PSME4: variants seen among roughly 807,000 people sequenced by gnomAD.
PSME4 encodes proteasome activator subunit 4.
PSME4 carries 89 observed loss-of-function variants against 253.9 expected under a neutral mutation model. The ratio of observed to expected loss-of-function variants is 0.35; its 90% CI spans 0.30 to 0.42. PSME4 has a LOEUF of 0.42. PSME4 is among the 10% of genes least tolerant of loss of function. The pLI, the probability that PSME4 is intolerant of heterozygous loss-of-function variation, is 1.00. For synonymous variants in PSME4, 851 were observed against 759.2 expected (o/e 1.12, Z -1.99); for missense variants, 2,014 against 2,195.2 (o/e 0.92, Z 1.65).
At chr2:53,933,364 C>A (rs1573322030) in intron 8 of PSME4, among the ~76,000 whole-genome samples, 1 of 93,696 alleles carries the variant, frequency 1.1e-5, no homozygotes. Context: ...GGCGATAGAG[C>A]GAGACCATCT....
chr2:53,918,538 G>T (rs991642920), intron 20 of PSME4, among the ~76,000 whole-genome samples: 4 of 151,928 alleles, frequency 2.6e-5, no homozygotes, highest in Non-Finnish European at 5.9e-5. Flanking sequence ...AGACGGGTTT[G>T]CCATGTCATC....
At chr2:53,924,583 GTAAC>G (rs1668471539) in intron 14 of PSME4, among the ~76,000 whole-genome samples, 1 of 152,100 alleles carries the variant, frequency 6.6e-6, no homozygotes, top group Non-Finnish European at 1.5e-5. Context: ...ACTCAGCTGA[GTAAC>G]TGTTTTTAAT....
At chr2:53,865,909 G>T (rs1678542461) in intron 46 of PSME4, 176 bp downstream of exon 46, 1 of 678,752 alleles carries the variant, frequency 1.5e-6, no homozygotes. Flanking sequence ...AGGAGGCACA[G>T]CAAAATTCTC....
At chr2:53,912,640 C>T (rs1475766695) in intron 20 of PSME4, among the ~76,000 whole-genome samples, 1 of 152,038 alleles carries the variant, frequency 6.6e-6, no homozygotes, top group African/African-American at 2.4e-5. Flanking sequence ...TGTTTATTTA[C>T]TTTTTGGTAG....
At position 53,890,662 on chromosome 2, in the gene PSME4, T is replaced by C. The variant is rs553863069; in HGVS notation, c.4192-454A>G. ...CAGCAAAGTACATTATCACCATACA[T>C]ATCCAGGTATAGGTGAAATTTTTTC... On this transcript the variant is annotated intron_variant, in intron 36 of 46. Transcript: ENST00000404125. Among the ~76,000 whole-genome samples, 4 of 152,288 alleles carry C rather than the reference T, an allele frequency of 2.6e-5. No homozygotes were observed. In the East Asian group the frequency reaches 7.7e-4, roughly 29 times the overall value.
At chr2:53,913,348 T>A (rs764306580) in intron 20 of PSME4, among the ~76,000 whole-genome samples, 1 of 152,116 alleles carries the variant, frequency 6.6e-6, no homozygotes, top group Non-Finnish European at 1.5e-5. Flanking sequence ...ATGAAAAGAA[T>A]CACTGGTAGG....
At chr2:53,893,078 T>C (rs370246851) in intron 35 of PSME4, 118 bp from the exon 36 acceptor site, 6 of 775,628 alleles carry the variant, frequency 7.7e-6, no homozygotes, top group Non-Finnish European at 9.6e-6. Flanking sequence ...CACTCCCCTT[T>C]AGAACTGCTT....
At chr2:53,933,711 T>C (rs985814504) in intron 8 of PSME4, among the ~76,000 whole-genome samples, 2 of 152,208 alleles carry the variant, frequency 1.3e-5, no homozygotes, top group African/African-American at 2.4e-5. Context: ...AAAATGAAGT[T>C]GCCAATGAGA....
chr2:53,869,586 G>C, intron 43 of PSME4, 48 bp from the exon 44 acceptor site: 2 of 1,392,544 alleles, frequency 1.4e-6, no homozygotes, highest in Non-Finnish European at 1.9e-6. Flanking sequence ...AAGTCTGAGG[G>C]AATAATGGAG....
intron 10 of PSME4, among the ~76,000 whole-genome samples, chr2:53,930,675 A>C (rs1404581251): frequency 6.6e-6 from 1 of 152,196 alleles, no homozygotes; most frequent in Non-Finnish European, 1.5e-5. Flanking sequence ...TAGATAATGG[A>C]GGCCCATTTT....
At chr2:53,965,287 C>T (rs904744143) in intron 1 of PSME4, among the ~76,000 whole-genome samples, 23 of 149,856 alleles carry the variant, frequency 1.5e-4, no homozygotes, top group Admixed American at 9.3e-4. Context: ...CTCCCTCTGT[C>T]GCCTAGCCTG....
chr2:53,880,750 G>C (rs574844170), intron 41 of PSME4, among the ~76,000 whole-genome samples: 58 of 152,252 alleles, frequency 3.8e-4, no homozygotes, highest in African/African-American at 1.3e-3. Context: ...GGCATAAAAG[G>C]ACATACACCA....
chr2:53,895,093 C>A lies in PSME4; in HGVS notation c.3843-17G>T, dbSNP rs550646434. 5 of 1,583,780 alleles carry A rather than the reference C, an allele frequency of 3.2e-6. No homozygotes were observed. The South Asian group carries it at 4.6e-5, about 15-fold the overall frequency. ...ACCATATTCCTATATAGTAAGAGTT[C>A]ATATTTATCATACGCATAGAAAAAA... On this transcript the variant is annotated splice_polypyrimidine_tract_variant and intron_variant, in intron 33 of 46. Transcript: ENST00000404125.
chr2:53,936,494 T>C (rs1426974397), intron 6 of PSME4, among the ~76,000 whole-genome samples: 1 of 152,146 alleles, frequency 6.6e-6, no homozygotes, highest in Non-Finnish European at 1.5e-5. Context: ...AAGAAAACAA[T>C]GGGATCTTAC....
At chr2:53,934,072 T>G (rs1668993435) in intron 8 of PSME4, among the ~76,000 whole-genome samples, 1 of 152,170 alleles carries the variant, frequency 6.6e-6, no homozygotes, top group African/African-American at 2.4e-5. Flanking sequence ...AACTAGATAA[T>G]TATAATAGGA....
chr2:53,870,375 T>TG (rs1309423115), intron 43 of PSME4: 2 of 38,488 alleles, frequency 5.2e-5, no homozygotes, highest in African/African-American at 2.7e-4. Flanking sequence ...TTCTTTTCGT[T>TG]TTTTTTTTTT....
chr2:53,923,292 A>G (rs2104453277), intron 15 of PSME4, 29 bp downstream of exon 15: 1 of 1,580,318 alleles, frequency 6.3e-7, no homozygotes, highest in Middle Eastern at 1.7e-4. Context: ...TTGAGTCATT[A>G]ATACATCAGT....
intron 4 of PSME4, among the ~76,000 whole-genome samples, chr2:53,938,874 A>G (rs1669247876): frequency 6.6e-6 from 1 of 152,264 alleles, no homozygotes. Flanking sequence ...TTAAAAAAAC[A>G]AAAACAAACT....
At chr2:53,873,237 T>TGA (rs1678972378) in intron 43 of PSME4, among the ~76,000 whole-genome samples, 1 of 63,464 alleles carries the variant, frequency 1.6e-5, no homozygotes, top group African/African-American at 8.6e-5. Context: ...AGACTCCGTC[T>TGA]CAAAAAAAAA....
Sources: gnomAD v4.1 joint callset for allele counts (sites outside exome capture counted in the v4.1 genomes callset) on GRCh38, gnomAD v4.1.1 for gene constraint, MANE v1.5 for transcripts, NCBI Gene and HGNC (gene_info 2026-07-23, HGNC 2026-07-21) for gene names.